ASIC2: variants seen among roughly 807,000 people sequenced by gnomAD.
ASIC2 encodes the protein acid sensing ion channel subunit 2.
Under a neutral mutation model 57.3 loss-of-function variants are expected in ASIC2, and 25 were observed. The ratio of observed to expected loss-of-function variants is 0.44; its 90% confidence interval spans 0.32 to 0.61. The LOEUF (loss-of-function observed/expected upper bound fraction) is 0.61. Among genes scored for constraint, ASIC2 ranks in the 20% least tolerant of loss-of-function variants. The pLI is 0.06. For missense variants in ASIC2, 641 were observed against 738.1 expected, an observed-to-expected ratio of 0.87 and a Z score of 1.52; for synonymous variants, 319 against 307.5, an observed-to-expected ratio of 1.04 and a Z score of -0.39.
intron 1 of ASIC2, among the ~76,000 whole-genome samples, chr17:33,241,295 C>G (rs192469556): frequency 2.6e-5 from 4 of 152,316 alleles, no homozygotes; most frequent in African/African-American, 9.6e-5. Flanking sequence ...CACAAGCAAA[C>G]CAATAAGTAA....
chr17:34,151,740 A>G (rs1904533945), intron 1 of ASIC2, among the ~76,000 whole-genome samples: 1 of 152,210 alleles, frequency 6.6e-6, no homozygotes, highest in Non-Finnish European at 1.5e-5. Flanking sequence ...AAACCACTGG[A>G]CTGAGAGTTG....
At chr17:34,105,808 T>C (rs1202816591) in intron 1 of ASIC2, among the ~76,000 whole-genome samples, 1 of 152,092 alleles carries the variant, frequency 6.6e-6, no homozygotes, top group Admixed American at 6.5e-5. Context: ...AGGTGATTTA[T>C]ATATATTGTA....
At chr17:33,850,854 A>G in intron 1 of ASIC2, among the ~76,000 whole-genome samples, 1 of 151,818 alleles carries the variant, frequency 6.6e-6, no homozygotes, top group African/African-American at 2.4e-5. Flanking sequence ...TCTCGGTGCC[A>G]TTACCTGAGT....
At chr17:33,489,180 ACT>A (rs1217668497) in intron 1 of ASIC2, among the ~76,000 whole-genome samples, 1 of 151,798 alleles carries the variant, frequency 6.6e-6, no homozygotes, top group Non-Finnish European at 1.5e-5. Context: ...TGGCCCTATC[ACT>A]CTGACTCCTG....
chr17:33,691,821 G>A (rs1908378566), intron 1 of ASIC2, among the ~76,000 whole-genome samples: 1 of 150,528 alleles, frequency 6.6e-6, no homozygotes, highest in South Asian at 2.1e-4. Context: ...GTATATGCAT[G>A]CATGTGTGTG....
At chr17:33,535,951 G>A (rs903384785) in intron 1 of ASIC2, among the ~76,000 whole-genome samples, 1 of 152,162 alleles carries the variant, frequency 6.6e-6, no homozygotes, top group African/African-American at 2.4e-5. Flanking sequence ...ATTTGATATA[G>A]CAGCCAGCCT....
intron 1 of ASIC2, among the ~76,000 whole-genome samples, chr17:34,116,889 G>T (rs553436167): frequency 5.9e-5 from 9 of 152,058 alleles, no homozygotes; most frequent in East Asian, 1.9e-4. Flanking sequence ...TGTGTGTGTG[G>T]GTGGGTGGGT....
intron 1 of ASIC2, among the ~76,000 whole-genome samples, chr17:33,326,433 G>C (rs1567823886): frequency 6.6e-6 from 1 of 152,136 alleles, no homozygotes; most frequent in African/African-American, 2.4e-5. Flanking sequence ...CTAATGACAG[G>C]CAATTTATTT....
In ASIC2 at chr17:33,292,712, G is replaced by A. The variant is rs1007657589; in HGVS notation, c.-597C>T. Reference sequence around the variant, plus strand: ...CACCGCGGCTCCTGGCTGGGCGGGCGGGGTGGGTGTGTACGGGGGTGAGTG... The same window carrying A: ...CACCGCGGCTCCTGGCTGGGCGGGCAGGGTGGGTGTGTACGGGGGTGAGTG... On this transcript the variant is annotated 5_prime_UTR_variant, in exon 1 of 10. Transcript: ENST00000225823. 3 of 985,466 alleles carry A rather than the reference G, an allele frequency of 3.0e-6. No homozygotes were observed. Among genetic ancestry groups the A allele is most frequent in the Admixed American group, 6.1e-5 (1 of 16,276 alleles). 61.0% of individuals were successfully genotyped at this position (985,466 alleles called of 1,614,324 possible). A position where few individuals can be genotyped will look rare whatever the true frequency, so the allele number is the denominator to read the frequency against.
chr17:33,094,221 G>A (rs2092168832), intron 2 of ASIC2, among the ~76,000 whole-genome samples: 1 of 152,186 alleles, frequency 6.6e-6, no homozygotes. Context: ...AAACTGGAGG[G>A]AGAGAGGAGA....
chr17:33,464,458 T>C (rs974744595), intron 1 of ASIC2, among the ~76,000 whole-genome samples: 17 of 71,442 alleles, frequency 2.4e-4, no homozygotes, highest in South Asian at 4.9e-4. Flanking sequence ...CCTCTTTTTC[T>C]CTTTCTTTCT....
At chr17:33,068,947 T>C (rs1438238609) in intron 3 of ASIC2, among the ~76,000 whole-genome samples, 1 of 152,192 alleles carries the variant, frequency 6.6e-6, no homozygotes. Context: ...TTAAGACTTT[T>C]CTTCTTTTCC....
intron 1 of ASIC2, among the ~76,000 whole-genome samples, chr17:33,847,740 G>C (rs1409849898): frequency 6.6e-6 from 1 of 152,166 alleles, no homozygotes; most frequent in Non-Finnish European, 1.5e-5. Flanking sequence ...AGAGGCAGAT[G>C]AGCAAATGAC....
At chr17:33,194,028 C>T (rs1427420874) in intron 1 of ASIC2, among the ~76,000 whole-genome samples, 2 of 152,104 alleles carry the variant, frequency 1.3e-5, no homozygotes, top group African/African-American at 4.8e-5. Context: ...AGCACCTTGG[C>T]AGGGGGAGGG....
At chr17:33,721,887 C>G (rs778482036) in intron 1 of ASIC2, among the ~76,000 whole-genome samples, 25 of 152,182 alleles carry the variant, frequency 1.6e-4, no homozygotes, top group Non-Finnish European at 3.1e-4. Context: ...GCCAGTGTGG[C>G]TGGGTCAAAG....
intron 1 of ASIC2, chr17:33,794,052 G>A (rs1911847124): frequency 6.6e-6 from 1 of 152,150 alleles, no homozygotes; most frequent in African/African-American, 2.4e-5. Context: ...AGGAAAATTA[G>A]GCTAAGAGAG....
At chr17:33,759,309 GA>G (rs1910708070) in intron 1 of ASIC2, among the ~76,000 whole-genome samples, 1 of 152,254 alleles carries the variant, frequency 6.6e-6, no homozygotes, top group African/African-American at 2.4e-5. Flanking sequence ...ATATCTGGCG[GA>G]AAAAATTTCT....
At chr17:34,117,656 T>C (rs1302727423) in intron 1 of ASIC2, among the ~76,000 whole-genome samples, 2 of 151,864 alleles carry the variant, frequency 1.3e-5, no homozygotes, top group African/African-American at 4.8e-5. Context: ...ACCATAGCTG[T>C]GGGGGTGGAG....
chr17:33,689,442 C>G (rs1193700715), intron 1 of ASIC2, among the ~76,000 whole-genome samples: 3 of 152,168 alleles, frequency 2.0e-5, no homozygotes, highest in Non-Finnish European at 4.4e-5. Context: ...GACACCACCT[C>G]CAGTGGTGTC....
Sources: allele counts gnomAD v4.1 joint callset (sites outside exome capture counted in the v4.1 genomes callset), GRCh38; gene constraint gnomAD v4.1.1; transcripts MANE v1.5; gene names NCBI Gene and HGNC (gene_info 2026-07-23, HGNC 2026-07-21).